DPP10: variants seen among roughly 807,000 people sequenced by gnomAD.
DPP10 encodes inactive dipeptidyl peptidase 10.
DPP10 carries 33 observed loss-of-function variants against 120.9 expected under a neutral mutation model. The observed-to-expected ratio is 0.27, with a 90% CI of 0.21 to 0.37. The LOEUF (loss-of-function observed/expected upper bound fraction) is 0.37. DPP10 is among the 10% of genes least tolerant of loss of function. The pLI is 1.00. For missense variants in DPP10, 816 were observed against 942.8 expected, an observed-to-expected ratio of 0.87 and a Z score of 1.76; for synonymous variants, 337 against 326.1, an observed-to-expected ratio of 1.03 and a Z score of -0.36.
Position 115,505,282 on chromosome 2 carries a change from G to T in DPP10, c.366+5678G>T, listed in dbSNP as rs1003058642. On this transcript the variant is annotated intron_variant, in intron 4 of 25. Coordinates refer to ENST00000410059, the MANE Select transcript of DPP10 (RefSeq NM_020868.6). Reference sequence around the variant, plus strand: ...ATATTAAAAATAATATAACTAAATTGTTTCCTTCAGATAGGAATACAATTA... The same window carrying T: ...ATATTAAAAATAATATAACTAAATTTTTTCCTTCAGATAGGAATACAATTA... Among the ~76,000 whole-genome samples, 44 of 151,906 alleles carry T rather than the reference G, an allele frequency of 2.9e-4. 1 individual carries two copies. Among genetic ancestry groups the T allele is most frequent in the African/African-American group, 1.0e-3 (43 of 41,390 alleles).
intron 8 of DPP10, among the ~76,000 whole-genome samples, chr2:115,736,210 G>T (rs892555115): frequency 6.6e-6 from 1 of 152,120 alleles, no homozygotes; most frequent in Non-Finnish European, 1.5e-5. Flanking sequence ...GGTTATTGCT[G>T]TGATAATAAA....
At chr2:115,309,904 A>G (rs2061512763) in intron 2 of DPP10, among the ~76,000 whole-genome samples, 1 of 152,096 alleles carries the variant, frequency 6.6e-6, no homozygotes, top group South Asian at 2.1e-4. Context: ...TGCCCCTGCA[A>G]TGATTTTTGG....
At chr2:114,954,480 T>A (rs1476648583) in intron 1 of DPP10, among the ~76,000 whole-genome samples, 1 of 151,826 alleles carries the variant, frequency 6.6e-6, no homozygotes, top group Non-Finnish European at 1.5e-5. Flanking sequence ...AATAGGGAAG[T>A]TTTTAAGTAA....
chr2:114,482,602 A>C (rs1460612690), intron 1 of DPP10, among the ~76,000 whole-genome samples: 1 of 152,202 alleles, frequency 6.6e-6, no homozygotes, highest in African/African-American at 2.4e-5. Context: ...AAACAGAGGT[A>C]GACTGAAGAT....
chr2:115,746,616 C>T (rs1678011466), intron 10 of DPP10, among the ~76,000 whole-genome samples: 1 of 152,090 alleles, frequency 6.6e-6, no homozygotes, highest in South Asian at 2.1e-4. Flanking sequence ...CTTCTCCAGA[C>T]ATTTAAGAAT....
chr2:115,622,829 C>A (rs78821135), intron 5 of DPP10, among the ~76,000 whole-genome samples: 2 of 128,340 alleles, frequency 1.6e-5, no homozygotes, highest in African/African-American at 5.8e-5. Context: ...TTCGTTTATT[C>A]TTTTTTTTTT....
intron 1 of DPP10, among the ~76,000 whole-genome samples, chr2:115,213,198 A>G (rs1316718254): frequency 2.0e-5 from 3 of 152,124 alleles, no homozygotes; most frequent in African/African-American, 7.2e-5. Context: ...TTGCCCTAGG[A>G]GGATATCTTG....
At chr2:115,192,333 C>T (rs2054940566) in intron 1 of DPP10, among the ~76,000 whole-genome samples, 1 of 152,198 alleles carries the variant, frequency 6.6e-6, no homozygotes, top group Non-Finnish European at 1.5e-5. Flanking sequence ...AATCTAGGTA[C>T]TTTGGAATGG....
At chr2:115,684,223 T>C (rs1215790088) in intron 5 of DPP10, among the ~76,000 whole-genome samples, 1 of 151,906 alleles carries the variant, frequency 6.6e-6, no homozygotes, top group Non-Finnish European at 1.5e-5. Context: ...GGGCAATGTT[T>C]TAAAAATATT....
rs1416607646 is a variant in DPP10 at position 115,334,235 on chromosome 2, T to TTTTTTTTTTTTTTTTTTTTGTTTTTTG, written c.176-9571_176-9570insTTTTTTTTGTTTTTTGTTTTTTTTTTT. ...AATGGACCAGAGCAGACTCTGTTTT[T>TTTTTTTTTTTTTTTTTTTTGTTTTTTG]TTTTTTTTTTTAAGAAACCTAGCTA... On this transcript the variant is annotated intron_variant, in intron 2 of 25. Transcript: ENST00000410059. Among the ~76,000 whole-genome samples the TTTTTTTTTTTTTTTTTTTTGTTTTTTG allele has an allele frequency of 3.0e-5, 4 of 133,212 alleles. 1 individual carries two copies. The highest frequency in any genetic ancestry group is 6.7e-5 in the Non-Finnish European group (4 of 59,644). The allele number at this position is 133,212 out of a possible 152,430, so 87.4% of individuals were successfully genotyped here.
chr2:115,511,778 A>T (rs1575060194), intron 4 of DPP10, among the ~76,000 whole-genome samples: 1 of 125,192 alleles, frequency 8.0e-6, no homozygotes, highest in African/African-American at 3.1e-5. Flanking sequence ...CCTAGTCTGG[A>T]GTGTAGTGGT....
Position 115,585,707 on chromosome 2 carries a change from A to G in DPP10, c.441+59735A>G, listed in dbSNP as rs2149145462. On this transcript the variant is annotated intron_variant, in intron 5 of 25. Transcript: ENST00000410059. The stretch of plus-strand genomic sequence containing the variant: ...ATTTCCATTTTCTCCTCAAGCAGTA[A>G]GCCCTTTAATTCATTTTTAGTTTAT... 2.6e-5 allele frequency among the ~76,000 whole-genome samples: 4 copies of G among 152,232 alleles called. No homozygotes were observed. In the Middle Eastern group the frequency reaches 0.01, roughly 388 times the overall value.
chr2:115,383,803 CTT>C (rs1171387418), intron 3 of DPP10, among the ~76,000 whole-genome samples: 3 of 152,142 alleles, frequency 2.0e-5, no homozygotes, highest in African/African-American at 7.2e-5. Context: ...ATAGATTACT[CTT>C]TCTTTCTTGT....
intron 1 of DPP10, among the ~76,000 whole-genome samples, chr2:114,832,486 G>T (rs1023773157): frequency 6.6e-6 from 1 of 152,172 alleles, no homozygotes; most frequent in Non-Finnish European, 1.5e-5. Context: ...AGTGAGCCGA[G>T]ATCGCACCAC....
At chr2:114,485,871 A>T (rs970613979) in intron 1 of DPP10, among the ~76,000 whole-genome samples, 2 of 152,144 alleles carry the variant, frequency 1.3e-5, no homozygotes, top group Non-Finnish European at 2.9e-5. Flanking sequence ...CCCTAGGATT[A>T]GAGATGGGAA....
chr2:114,454,048 A>G (rs955519643), intron 1 of DPP10, among the ~76,000 whole-genome samples: 7 of 152,210 alleles, frequency 4.6e-5, no homozygotes, highest in African/African-American at 1.7e-4. Context: ...GAAAAGTGTC[A>G]TGACAATGGC....
intron 3 of DPP10, among the ~76,000 whole-genome samples, chr2:115,382,577 A>T (rs1300859402): frequency 6.6e-6 from 1 of 151,986 alleles, no homozygotes; most frequent in South Asian, 2.1e-4. Context: ...CCATCTTCTA[A>T]TAGTCTCTTT....
chr2:115,838,335 G>C (rs1689745207), intron 24 of DPP10, among the ~76,000 whole-genome samples: 1 of 152,134 alleles, frequency 6.6e-6, no homozygotes, highest in African/African-American at 2.4e-5. Context: ...CTCATTGTAT[G>C]TCAGAAAATG....
intron 1 of DPP10, among the ~76,000 whole-genome samples, chr2:114,578,623 A>C (rs1690247161): frequency 6.6e-6 from 1 of 152,164 alleles, no homozygotes; most frequent in Non-Finnish European, 1.5e-5. Flanking sequence ...AAGGAACTTA[A>C]ACTGTCAGCA....
Sources: gnomAD v4.1 joint callset for allele counts (sites outside exome capture counted in the v4.1 genomes callset) on GRCh38, gnomAD v4.1.1 for gene constraint, MANE v1.5 for transcripts, NCBI Gene and HGNC (gene_info 2026-07-23, HGNC 2026-07-21) for gene names.